Variants in TIAM1 observed in about 807,000 individuals in gnomAD.
TIAM1 encodes rho guanine nucleotide exchange factor TIAM1.
TIAM1 carries 65 observed loss-of-function variants against 163.5 expected under a neutral mutation model. The observed-to-expected ratio is 0.40, with a 90% CI of 0.33 to 0.49. The LOEUF (loss-of-function observed/expected upper bound fraction) is 0.49, where lower values mean the gene tolerates loss of function less well. TIAM1 is among the 20% of genes least tolerant of loss of function. The probability of loss-of-function intolerance (pLI) is 0.77; values close to 1 mark genes in which losing one functional copy is unlikely to be tolerated. For synonymous variants in TIAM1, 833 were observed against 810.1 expected, an observed-to-expected ratio of 1.03 and a Z score of -0.48; for missense variants, 1,789 against 2,044.7, an observed-to-expected ratio of 0.87 and a Z score of 2.41.
chr21:31,475,001 A>C (rs1261393337), intron 1 of TIAM1, among the ~76,000 whole-genome samples: 1 of 150,050 alleles, frequency 6.7e-6, no homozygotes, highest in Non-Finnish European at 1.5e-5. Context: ...GCCGCTCCAC[A>C]TATAAGTTGC....
At chr21:31,486,214 T>C (rs980615886) in intron 1 of TIAM1, among the ~76,000 whole-genome samples, 1 of 152,140 alleles carries the variant, frequency 6.6e-6, no homozygotes, top group African/African-American at 2.4e-5. Flanking sequence ...GTCCCAGCCA[T>C]CCAGCACTGG....
At chr21:31,521,676 G>A (rs2047592278) in intron 1 of TIAM1, among the ~76,000 whole-genome samples, 1 of 151,498 alleles carries the variant, frequency 6.6e-6, no homozygotes, top group African/African-American at 2.4e-5. Flanking sequence ...GTTCAAGGCT[G>A]TAGTGAGCCA....
At chr21:31,347,486 C>A (rs1161989217), upstream of TIAM1, among the ~76,000 whole-genome samples, 1 of 152,230 alleles carries the variant, frequency 6.6e-6, no homozygotes. Context: ...ACCTGCAGTT[C>A]TGAAAGCCAC....
intron 4 of TIAM1, among the ~76,000 whole-genome samples, chr21:31,265,447 A>G (rs572024240): frequency 6.6e-6 from 1 of 151,934 alleles, no homozygotes; most frequent in African/African-American, 2.4e-5. Flanking sequence ...ACCTCCCTCC[A>G]GAGACAGGGC....
chr21:31,387,195 CTTTTTTTTTTTTTTTT>C (rs60592178), intron 2 of TIAM1, among the ~76,000 whole-genome samples: 1 of 75,152 alleles, frequency 1.3e-5, no homozygotes, highest in Non-Finnish European at 2.6e-5. Context: ...AGCTTATTCT[CTTTTTTTTTTTTTTTT>C]TTTTTTTTTG....
chr21:31,410,641 TGTAA>T (rs543109507), intron 2 of TIAM1, among the ~76,000 whole-genome samples: 80 of 151,708 alleles, frequency 5.3e-4, no homozygotes, highest in Middle Eastern at 3.4e-3. Context: ...AGTGACTATG[TGTAA>T]GTGTGTGTGC....
intron 4 of TIAM1, among the ~76,000 whole-genome samples, chr21:31,258,613 C>T (rs544255452): frequency 2.6e-5 from 4 of 152,090 alleles, no homozygotes; most frequent in Admixed American, 1.3e-4. Flanking sequence ...GGGTGGATCA[C>T]GAAGTCAAGA....
chr21:31,287,827 T>C (rs1299501092), intron 2 of TIAM1, among the ~76,000 whole-genome samples: 1 of 152,214 alleles, frequency 6.6e-6, no homozygotes, highest in Admixed American at 6.5e-5. Flanking sequence ...GATTTTATTA[T>C]GGGAGTTACA....
At chr21:31,210,627 A>G (rs1473736950) in intron 10 of TIAM1, among the ~76,000 whole-genome samples, 372 of 22,790 alleles carry the variant, frequency 0.016, 4 homozygotes, top group South Asian at 0.028. Flanking sequence ...GAAAGAAAGA[A>G]AGAAAGAAAG....
chr21:31,213,606 C>G, intron 9 of TIAM1, 134 bp from the exon 10 acceptor site: 1 of 723,862 alleles, frequency 1.4e-6, no homozygotes, highest in South Asian at 1.6e-5. Flanking sequence ...CATCAAATCC[C>G]AAAGCAGGTA....
chr21:31,334,876 G>C (rs1460590678), intron 2 of TIAM1, among the ~76,000 whole-genome samples: 1 of 152,156 alleles, frequency 6.6e-6, no homozygotes, highest in Non-Finnish European at 1.5e-5. Context: ...TTTACCCACT[G>C]CCATGGGAGT....
intron 1 of TIAM1, among the ~76,000 whole-genome samples, chr21:31,528,863 C>A (rs968598778): frequency 3.3e-5 from 5 of 150,380 alleles, no homozygotes; most frequent in African/African-American, 1.2e-4. Context: ...AAATTCAGTT[C>A]TATTTATCAT....
chr21:31,514,475 T>G (rs1602464184), intron 1 of TIAM1, among the ~76,000 whole-genome samples: 1 of 149,314 alleles, frequency 6.7e-6, no homozygotes, highest in East Asian at 2.0e-4. Flanking sequence ...GTCAGGAGTT[T>G]GAGACCAGCC....
chr21:31,533,467 C>G (rs1048256158), intron 1 of TIAM1, among the ~76,000 whole-genome samples: 1 of 152,158 alleles, frequency 6.6e-6, no homozygotes. Context: ...AAAAATTATT[C>G]ACGTGGCTGG....
chr21:31,446,358 G>A (rs1021452060), intron 2 of TIAM1, among the ~76,000 whole-genome samples: 1 of 152,308 alleles, frequency 6.6e-6, no homozygotes, highest in Non-Finnish European at 1.5e-5. Context: ...GCTACATCAT[G>A]CCTCATGACC....
chr21:31,361,168 A>G (rs2076400136), intron 2 of TIAM1, among the ~76,000 whole-genome samples: 1 of 152,236 alleles, frequency 6.6e-6, no homozygotes, highest in Non-Finnish European at 1.5e-5. Flanking sequence ...TATTTATACC[A>G]TGAAATTGTA....
At chr21:31,554,631 G>A (rs181083513) in intron 1 of TIAM1, among the ~76,000 whole-genome samples, 19 of 152,288 alleles carry the variant, frequency 1.2e-4, no homozygotes, top group Admixed American at 6.5e-4. Flanking sequence ...AGAGTTCTTC[G>A]ATGAATCATC....
At chr21:31,136,843 A>T (rs1322757825) in intron 22 of TIAM1, among the ~76,000 whole-genome samples, 1 of 152,236 alleles carries the variant, frequency 6.6e-6, no homozygotes, top group Non-Finnish European at 1.5e-5. Flanking sequence ...ATGTAGGCAA[A>T]TTATTTCTTC....
intron 1 of TIAM1, among the ~76,000 whole-genome samples, chr21:31,554,518 T>TA (rs1360304360): frequency 6.6e-6 from 1 of 152,124 alleles, no homozygotes. Context: ...ACCCAAGTCT[T>TA]CCTTTAAGGA....
Sources: allele counts gnomAD v4.1 joint callset (sites outside exome capture counted in the v4.1 genomes callset), GRCh38; gene constraint gnomAD v4.1.1; transcripts MANE v1.5; gene names NCBI Gene and HGNC (gene_info 2026-07-23, HGNC 2026-07-21).